CDH13: variants seen among roughly 807,000 people sequenced by gnomAD.
CDH13 encodes cadherin-13.
Under a neutral mutation model 63.8 loss-of-function variants are expected in CDH13, and 24 were observed. The ratio of observed to expected loss-of-function variants is 0.38; its 90% CI spans 0.27 to 0.53. CDH13 has a LOEUF of 0.53. Among genes scored for constraint, CDH13 ranks in the 20% least tolerant of loss-of-function variants. The probability of loss-of-function intolerance (pLI) is 0.85; values close to 1 mark genes in which losing one functional copy is unlikely to be tolerated. For missense variants in CDH13, 1,049 were observed against 903.1 expected, an observed-to-expected ratio of 1.16 and a Z score of -2.07; for synonymous variants, 503 against 355.3, an observed-to-expected ratio of 1.42 and a Z score of -4.67.
intron 10 of CDH13, among the ~76,000 whole-genome samples, chr16:83,731,511 G>A (rs1911042098): frequency 6.6e-6 from 1 of 152,204 alleles, no homozygotes; most frequent in African/African-American, 2.4e-5. Flanking sequence ...TAATGGGGTA[G>A]TTGTTTGCTT....
intron 8 of CDH13, among the ~76,000 whole-genome samples, chr16:83,655,423 T>C (rs12930268): frequency 1 from 152,037 of 152,348 alleles, 75,863 homozygotes; most frequent in Middle Eastern, 1. Flanking sequence ...CAAAGCCAGA[T>C]CCTCTGAGGT....
intron 7 of CDH13, among the ~76,000 whole-genome samples, chr16:83,602,130 A>AAAAAAAAAAAAAAAAAC (rs1907892964): frequency 9.8e-6 from 1 of 102,122 alleles, no homozygotes; most frequent in Non-Finnish European, 2.0e-5. Context: ...AAAAAAAAAA[A>AAAAAAAAAAAAAAAAAC]AAAAAAAAAA....
At chr16:83,279,047 G>C (rs1044085120) in intron 5 of CDH13, among the ~76,000 whole-genome samples, 1 of 150,656 alleles carries the variant, frequency 6.6e-6, no homozygotes, top group Non-Finnish European at 1.5e-5. Flanking sequence ...GCTCTTTTGG[G>C]AAGAATGAAT....
chr16:83,160,697 T>G (rs992849532), intron 4 of CDH13, among the ~76,000 whole-genome samples: 1 of 152,162 alleles, frequency 6.6e-6, no homozygotes, highest in Non-Finnish European at 1.5e-5. Flanking sequence ...AGGGGTGATA[T>G]TTTATAAATA....
At chr16:82,930,264 G>A (rs554030255) in intron 2 of CDH13, among the ~76,000 whole-genome samples, 2 of 152,024 alleles carry the variant, frequency 1.3e-5, no homozygotes, top group South Asian at 2.1e-4. Context: ...AGCATGAGCC[G>A]CTACGTCCGG....
At chr16:83,126,538 G>T (rs112726533) in intron 4 of CDH13, among the ~76,000 whole-genome samples, 2,357 of 152,208 alleles carry the variant, frequency 0.015, 65 homozygotes, top group South Asian at 0.076. Context: ...GGATTAAAGA[G>T]GACTCTTTCC....
chr16:83,456,279 A>G (rs1430656770), intron 6 of CDH13, among the ~76,000 whole-genome samples: 1 of 152,206 alleles, frequency 6.6e-6, no homozygotes, highest in Admixed American at 6.5e-5. Context: ...ACATTTCACT[A>G]AATCGAATGG....
rs141560361 is a variant in CDH13 at position 83,026,439 on chromosome 16, G to C, written c.158-5571G>C. Among the ~76,000 whole-genome samples, 424 of 152,296 alleles carry C rather than the reference G, an allele frequency of 2.8e-3. 3 individuals carry two copies. The Middle Eastern group carries it at 0.031, about 11-fold the overall frequency. ...TATGATGCTTATATATTTATAGACT[G>C]TGCATTCTCATTGGGGCTATATTTC... On this transcript the variant is annotated intron_variant, in intron 2 of 13. Coordinates refer to ENST00000567109, the MANE Select transcript of CDH13 (RefSeq NM_001257.5).
At chr16:82,691,861 G>C (rs1319524319) in intron 1 of CDH13, among the ~76,000 whole-genome samples, 1 of 152,116 alleles carries the variant, frequency 6.6e-6, no homozygotes, top group Non-Finnish European at 1.5e-5. Flanking sequence ...CTGAGAACTT[G>C]CTGGAAATGC....
At chr16:82,833,292 G>A (rs915623376) in intron 1 of CDH13, among the ~76,000 whole-genome samples, 7 of 152,170 alleles carry the variant, frequency 4.6e-5, no homozygotes, top group Middle Eastern at 3.2e-3. Context: ...TTCATCCTTC[G>A]AATGATCCTG....
In CDH13 at chr16:82,815,022, A is replaced by G. The variant is rs531695677; in HGVS notation, c.46-43340A>G. On this transcript the variant is annotated intron_variant, in intron 1 of 13. Transcript: ENST00000567109. ...GGTAAAACATTTTGTTTTTTTTTCTATCCTTCATATTGGCCCAGAGAGCTT... is the reference window on the plus strand; with the variant it reads ...GGTAAAACATTTTGTTTTTTTTTCTGTCCTTCATATTGGCCCAGAGAGCTT... Among the ~76,000 whole-genome samples the G allele has an allele frequency of 2.7e-5, 4 of 150,852 alleles. No homozygotes were observed. The East Asian group carries it at 5.9e-4, about 22-fold the overall frequency.
At chr16:83,609,875 C>G (rs368609889) in intron 8 of CDH13, among the ~76,000 whole-genome samples, 1 of 152,190 alleles carries the variant, frequency 6.6e-6, no homozygotes, top group Non-Finnish European at 1.5e-5. Flanking sequence ...CAGTTACTCC[C>G]CATTGCCCAT....
intron 4 of CDH13, among the ~76,000 whole-genome samples, chr16:83,204,364 G>C (rs1300800045): frequency 6.6e-6 from 1 of 152,204 alleles, no homozygotes; most frequent in Non-Finnish European, 1.5e-5. Context: ...TCATAGAATT[G>C]TTGTGCCTGT....
intron 10 of CDH13, among the ~76,000 whole-genome samples, chr16:83,742,680 C>T (rs1567565888): frequency 6.6e-6 from 1 of 152,228 alleles, no homozygotes. Flanking sequence ...GGAGAGCAGG[C>T]TGTTCCGTGG....
chr16:82,761,068 G>C (rs71402036), intron 1 of CDH13, among the ~76,000 whole-genome samples: 5 of 106,492 alleles, frequency 4.7e-5, no homozygotes, highest in East Asian at 2.9e-4. Context: ...CTGTCACCCA[G>C]ACTGGAGTGC....
intron 10 of CDH13, among the ~76,000 whole-genome samples, chr16:83,714,281 C>T (rs1227307019): frequency 6.6e-6 from 1 of 152,152 alleles, no homozygotes; most frequent in African/African-American, 2.4e-5. Flanking sequence ...CTATTAATAT[C>T]CCTGTCCCTA....
chr16:83,418,951 G>T (rs537263985), intron 6 of CDH13, among the ~76,000 whole-genome samples: 1 of 152,220 alleles, frequency 6.6e-6, no homozygotes, highest in South Asian at 2.1e-4. Context: ...ATAGGGAATG[G>T]CAAAGCCCCC....
intron 5 of CDH13, among the ~76,000 whole-genome samples, chr16:83,248,448 G>C (rs1597591506): frequency 6.6e-6 from 1 of 152,262 alleles, no homozygotes; most frequent in Non-Finnish European, 1.5e-5. Flanking sequence ...GTCACATGCA[G>C]GTGTCATTGT....
chr16:83,574,795 T>G (rs1410133236), intron 7 of CDH13, among the ~76,000 whole-genome samples: 1 of 152,174 alleles, frequency 6.6e-6, no homozygotes, highest in African/African-American at 2.4e-5. Context: ...ATACAACTTC[T>G]GGGGCCAACA....
Sources: allele counts gnomAD v4.1 joint callset (sites outside exome capture counted in the v4.1 genomes callset), GRCh38; gene constraint gnomAD v4.1.1; transcripts MANE v1.5; gene names NCBI Gene and HGNC (gene_info 2026-07-23, HGNC 2026-07-21).